STAU2: variants seen among roughly 807,000 people sequenced by gnomAD.
STAU2 encodes double-stranded RNA-binding protein Staufen homolog 2.
In STAU2, 20 loss-of-function variants were observed where a neutral mutation model predicts 65.9. The ratio of observed to expected loss-of-function variants is 0.30; its 90% CI spans 0.21 to 0.44. STAU2 has a LOEUF of 0.44. STAU2 is among the 20% of genes least tolerant of loss of function. STAU2 has a pLI of 1.00. For missense variants in STAU2, 558 were observed against 683.9 expected (o/e 0.82, Z 2.05); for synonymous variants, 232 against 233.9 (o/e 0.99, Z 0.07).
intron 13 of STAU2, among the ~76,000 whole-genome samples, chr8:73,495,744 T>C (rs890190572): frequency 6.7e-6 from 1 of 148,864 alleles, no homozygotes; most frequent in Non-Finnish European, 1.5e-5. Context: ...TATAAAACAA[T>C]GATTAAAATA....
intron 14 of STAU2, 73 bp downstream of exon 14, chr8:73,422,541 A>T (rs1243733273): frequency 8.4e-7 from 1 of 1,187,176 alleles, no homozygotes; most frequent in East Asian, 2.9e-5. Context: ...TTTTTAAAAC[A>T]TTATTATCTA....
intron 12 of STAU2, among the ~76,000 whole-genome samples, chr8:73,577,423 T>C (rs1462373159): frequency 1.5e-5 from 2 of 135,282 alleles, no homozygotes; most frequent in Non-Finnish European, 3.1e-5. Context: ...CAAGACTCCA[T>C]CTCAAAAAAA....
At chr8:73,520,052 C>T (rs1272975315) in intron 13 of STAU2, among the ~76,000 whole-genome samples, 1 of 152,164 alleles carries the variant, frequency 6.6e-6, no homozygotes, top group Non-Finnish European at 1.5e-5. Context: ...GAGAATGGGC[C>T]AGGCAGAGGG....
In STAU2 at chr8:73,673,146, T is replaced by C; in HGVS notation, c.371A>G (p.Tyr124Cys). 3.1e-6 allele frequency: 5 copies of C among 1,600,792 alleles called. No homozygotes were observed. The highest frequency in any genetic ancestry group is 4.3e-6 in the Non-Finnish European group (5 of 1,172,724). The part of the protein sequence containing the change: ...RPLDPKPFPN[Y>C]RANYNFRGMY... Reference sequence around the variant, plus strand: ...GCCCCGAAAGTTGTAATTAGCTCTATAATTTGGGAATGGCTTTGGATCTAA... The same window carrying C: ...GCCCCGAAAGTTGTAATTAGCTCTACAATTTGGGAATGGCTTTGGATCTAA... Residue 124 changes from tyrosine to cysteine, a missense_variant, in exon 6 of 15, where the codon TAT (tyrosine) becomes TGT (cysteine). Tyr to Cys is a radical substitution (Grantham distance 194). This residue lies in a region of STAU2 where 199 missense variants were observed against 299.5 expected (regional missense o/e 0.66). Transcript: ENST00000524300.
intron 6 of STAU2, among the ~76,000 whole-genome samples, chr8:73,618,984 C>T (rs1813037041): frequency 2.0e-5 from 3 of 150,114 alleles, no homozygotes; most frequent in Non-Finnish European, 4.5e-5. Flanking sequence ...TTCAACAGCT[C>T]TGTTTTGGGG....
intron 6 of STAU2, among the ~76,000 whole-genome samples, chr8:73,658,687 G>C (rs1563487901): frequency 6.6e-6 from 1 of 151,924 alleles, no homozygotes; most frequent in Non-Finnish European, 1.5e-5. Context: ...GCCCGAGGCG[G>C]GTGAATCACG....
intron 6 of STAU2, among the ~76,000 whole-genome samples, chr8:73,633,644 AC>A (rs1417255076): frequency 2.0e-5 from 3 of 152,150 alleles, no homozygotes; most frequent in Non-Finnish European, 2.9e-5. Flanking sequence ...TACCGGAAGT[AC>A]ATGAGGAGCT....
At chr8:73,624,939 A>G (rs911482845) in intron 6 of STAU2, among the ~76,000 whole-genome samples, 3 of 152,120 alleles carry the variant, frequency 2.0e-5, no homozygotes, top group African/African-American at 7.2e-5. Context: ...CTCTCTGCTC[A>G]TTTTTTGTCT....
intron 1 of STAU2, among the ~76,000 whole-genome samples, chr8:73,741,025 G>A (rs901504064): frequency 7.1e-6 from 1 of 140,994 alleles, no homozygotes; most frequent in Non-Finnish European, 1.5e-5. Flanking sequence ...AAAAAAAAAG[G>A]CCAGGCGCAG....
At chr8:73,726,873 C>T (rs1805675379) in intron 3 of STAU2, among the ~76,000 whole-genome samples, 2 of 152,220 alleles carry the variant, frequency 1.3e-5, no homozygotes, top group African/African-American at 4.8e-5. Context: ...TTTCATTCTT[C>T]TTTGTAAGCA....
chr8:73,575,877 CA>C (rs1227346028), intron 12 of STAU2, among the ~76,000 whole-genome samples: 2 of 151,656 alleles, frequency 1.3e-5, no homozygotes, highest in African/African-American at 2.4e-5. Context: ...CTAATGAGGA[CA>C]AAAAATACGG....
At chr8:73,654,772 C>T (rs1338102689) in intron 6 of STAU2, among the ~76,000 whole-genome samples, 6 of 147,588 alleles carry the variant, frequency 4.1e-5, no homozygotes, top group African/African-American at 1.0e-4. Context: ...CTGCAAGCTC[C>T]GCCTCCCGGG....
chr8:73,595,847 T>C (rs1238411812), intron 10 of STAU2, among the ~76,000 whole-genome samples: 9 of 152,172 alleles, frequency 5.9e-5, no homozygotes, highest in African/African-American at 1.7e-4. Context: ...CCAGGCGCAG[T>C]GGCTCACAGC....
chr8:73,486,806 C>T (rs1474472456), intron 13 of STAU2, among the ~76,000 whole-genome samples: 1 of 151,602 alleles, frequency 6.6e-6, no homozygotes, highest in Non-Finnish European at 1.5e-5. Flanking sequence ...GCGTGTGCCA[C>T]CACACCTGGA....
intron 6 of STAU2, chr8:73,651,164 C>A (rs1815840177): frequency 1.7e-6 from 2 of 1,179,832 alleles, no homozygotes; most frequent in Non-Finnish European, 2.4e-6. Context: ...CCGGACCAGG[C>A]ATCGGGCCCC....
At chr8:73,591,696 A>C (rs112837363) in intron 11 of STAU2, among the ~76,000 whole-genome samples, 1,764 of 152,100 alleles carry the variant, frequency 0.012, 35 homozygotes, top group African/African-American at 0.04. Context: ...AATGCATAAA[A>C]CAAAAACTAA....
intron 1 of STAU2, among the ~76,000 whole-genome samples, chr8:73,742,770 C>T (rs547943111): frequency 6.6e-6 from 1 of 152,104 alleles, no homozygotes; most frequent in Admixed American, 6.6e-5. Flanking sequence ...ATGGCCCAAC[C>T]TGTAACTGCA....
intron 13 of STAU2, 77 bp from the exon 14 acceptor site, chr8:73,422,779 TAGAA>T (rs1816478950): frequency 5.2e-6 from 5 of 957,576 alleles, no homozygotes; most frequent in African/African-American, 1.8e-5. Flanking sequence ...AAAGCTGAGA[TAGAA>T]AGACTCATTT....
chr8:73,493,224 GAA>G (rs1262903973), intron 13 of STAU2, among the ~76,000 whole-genome samples: 1 of 151,264 alleles, frequency 6.6e-6, no homozygotes. Flanking sequence ...ATTGAGAATA[GAA>G]AAAAGTTTCT....
Sources: gnomAD v4.1 joint callset for allele counts (sites outside exome capture counted in the v4.1 genomes callset) on GRCh38, gnomAD v4.1.1 for gene constraint, gnomAD v4.1.1 regional missense constraint, MANE v1.5 for transcripts, NCBI Gene and HGNC (gene_info 2026-07-23, HGNC 2026-07-21) for gene names.